NKAIN3: variants seen among roughly 807,000 people sequenced by gnomAD.
The protein encoded by NKAIN3 is sodium/potassium-transporting ATPase subunit beta-1-interacting protein 3.
A neutral mutation model predicts 30.2 loss-of-function variants in NKAIN3; 25 were observed. That is an observed-to-expected ratio of 0.83 (90% CI 0.60 to 1.16). The LOEUF (loss-of-function observed/expected upper bound fraction) is 1.16, where lower values mean the gene tolerates loss of function less well. NKAIN3 is among the 50% of genes most tolerant of loss of function. NKAIN3 has a pLI of 0.00. For missense variants in NKAIN3, 225 were observed against 254.1 expected (o/e 0.89, Z 0.78); for synonymous variants, 91 against 89.6 (o/e 1.02, Z -0.09).
At chr8:62,927,907 A>G (rs1034803119) in intron 5 of NKAIN3, among the ~76,000 whole-genome samples, 1 of 152,204 alleles carries the variant, frequency 6.6e-6, no homozygotes, top group African/African-American at 2.4e-5. Context: ...AATGGCATAT[A>G]ATATTTTTAA....
At chr8:62,917,543 A>G (rs1822145306) in intron 4 of NKAIN3, among the ~76,000 whole-genome samples, 1 of 152,192 alleles carries the variant, frequency 6.6e-6, no homozygotes, top group African/African-American at 2.4e-5. Flanking sequence ...AGCCCCAGAT[A>G]TCTTGTTCTC....
intron 3 of NKAIN3, among the ~76,000 whole-genome samples, chr8:62,699,136 C>A (rs895132976): frequency 3.3e-5 from 5 of 152,090 alleles, no homozygotes; most frequent in Non-Finnish European, 7.4e-5. Flanking sequence ...ATAATTTATT[C>A]TAAAATCTCT....
rs868074185 is a variant in NKAIN3 at position 62,977,291 on chromosome 8, C to T, written c.*11884C>T. On this transcript the variant is annotated 3_prime_UTR_variant, in exon 7 of 7. Transcript: ENST00000623646. ...TGGATTATATCCTAAATTGTGCTTT[C>T]CAACTTGATTCCATTCTCCCCATCA... 3.3e-5 allele frequency among the ~76,000 whole-genome samples: 5 copies of T among 152,168 alleles called. No individual in the cohort carries two copies. The highest frequency in any genetic ancestry group is 5.9e-5 in the Non-Finnish European group (4 of 68,042).
At chr8:62,543,778 C>T (rs1202029006) in intron 1 of NKAIN3, among the ~76,000 whole-genome samples, 2 of 152,106 alleles carry the variant, frequency 1.3e-5, no homozygotes, top group African/African-American at 4.8e-5. Flanking sequence ...AATTCTCTTC[C>T]ACTGTTGGCA....
chr8:62,468,078 C>G (rs902674875), intron 1 of NKAIN3, among the ~76,000 whole-genome samples: 3 of 151,942 alleles, frequency 2.0e-5, no homozygotes, highest in African/African-American at 4.8e-5. Context: ...TCATTTTTTT[C>G]TTACATAAGT....
intron 1 of NKAIN3, among the ~76,000 whole-genome samples, chr8:62,570,966 A>G (rs536820135): frequency 3.3e-5 from 5 of 152,232 alleles, no homozygotes; most frequent in African/African-American, 7.2e-5. Context: ...TATGACTGCT[A>G]CTCTCTTGTG....
Position 62,283,661 on chromosome 8 carries a change from T to A in NKAIN3, c.54+34534T>A, listed in dbSNP as rs1813275866. 2.0e-5 allele frequency among the ~76,000 whole-genome samples: 3 copies of A among 152,260 alleles called. No homozygotes were observed. In the South Asian group the frequency reaches 6.2e-4, roughly 32 times the overall value. On this transcript the variant is annotated intron_variant, in intron 1 of 6. Coordinates refer to ENST00000623646, the MANE Select transcript of NKAIN3 (RefSeq NM_001304533.3). ...TATTTCATCTTTGATTTAACAGTGT[T>A]TCAGGAGATTCCCTTAATTTAAAAA...
intron 1 of NKAIN3, among the ~76,000 whole-genome samples, chr8:62,440,102 C>T (rs1408480539): frequency 6.6e-6 from 1 of 152,046 alleles, no homozygotes; most frequent in Non-Finnish European, 1.5e-5. Context: ...CTCCTTTTTG[C>T]AATTCCAAGG....
chr8:62,674,354 G>A (rs115370506), intron 3 of NKAIN3, among the ~76,000 whole-genome samples: 2,999 of 152,294 alleles, frequency 0.02, 87 homozygotes, highest in African/African-American at 0.068. Flanking sequence ...AGAAGCAGAT[G>A]TAACTGTTAC....
At chr8:62,527,283 C>T (rs571821127) in intron 1 of NKAIN3, among the ~76,000 whole-genome samples, 4 of 152,242 alleles carry the variant, frequency 2.6e-5, no homozygotes, top group African/African-American at 7.2e-5. Flanking sequence ...ATCAGATTGA[C>T]CATTGCTGTG....
In NKAIN3 at chr8:62,562,668, T is replaced by C. The variant is rs534980770; in HGVS notation, c.55-16871T>C. 3.3e-5 allele frequency among the ~76,000 whole-genome samples: 5 copies of C among 152,274 alleles called. No individual in the cohort carries two copies. The South Asian group carries it at 1.0e-3, about 32-fold the overall frequency. On this transcript the variant is annotated intron_variant, in intron 1 of 6. Coordinates refer to ENST00000623646, the MANE Select transcript of NKAIN3 (RefSeq NM_001304533.3). The stretch of plus-strand genomic sequence containing the variant: ...TTTAACACCATCAACTGTGTGTTAC[T>C]TAAGCGTTTCTTGTACATGTTGATT...
chr8:62,253,201 G>T (rs529673760), intron 1 of NKAIN3, among the ~76,000 whole-genome samples: 2 of 152,266 alleles, frequency 1.3e-5, no homozygotes, highest in South Asian at 4.1e-4. Context: ...ACTCTCACCA[G>T]ACATATCTGT....
chr8:62,345,473 A>G lies in NKAIN3; in HGVS notation c.54+96346A>G, dbSNP rs1424554020. 6.2e-3 allele frequency among the ~76,000 whole-genome samples: 32 copies of G among 5,166 alleles called. 1 individual carries two copies. The highest frequency in any genetic ancestry group is 7.8e-3 in the African/African-American group (31 of 3,954). 3.4% of individuals were successfully genotyped at this position (5,166 alleles called of 152,430 possible). ...CACATATGTATATATACACATATAT[A>G]CACATATATGTATATATACACACAT... On this transcript the variant is annotated intron_variant, in intron 1 of 6. Transcript: ENST00000623646.
At chr8:62,818,644 G>T (rs983235512) in intron 4 of NKAIN3, among the ~76,000 whole-genome samples, 1 of 152,032 alleles carries the variant, frequency 6.6e-6, no homozygotes, top group East Asian at 1.9e-4. Context: ...AGATTAATAA[G>T]ATAGAATTTC....
At chr8:62,341,577 CT>C (rs916001243) in intron 1 of NKAIN3, among the ~76,000 whole-genome samples, 1 of 151,986 alleles carries the variant, frequency 6.6e-6, no homozygotes, top group Non-Finnish European at 1.5e-5. Flanking sequence ...AAGAAATTAC[CT>C]TTGTTCAAAT....
chr8:62,576,743 C>G (rs1025931506), intron 1 of NKAIN3, among the ~76,000 whole-genome samples: 1 of 152,104 alleles, frequency 6.6e-6, no homozygotes, highest in African/African-American at 2.4e-5. Flanking sequence ...AGGGATGCCT[C>G]CTGCCCCCTC....
intron 4 of NKAIN3, among the ~76,000 whole-genome samples, chr8:62,794,520 G>C (rs770429791): frequency 6.6e-5 from 10 of 152,186 alleles, no homozygotes; most frequent in African/African-American, 1.4e-4. Context: ...ATAAAATACT[G>C]TTCTTACATA....
chr8:62,822,188 T>A (rs1818867920), intron 4 of NKAIN3, among the ~76,000 whole-genome samples: 1 of 152,202 alleles, frequency 6.6e-6, no homozygotes, highest in South Asian at 2.1e-4. Flanking sequence ...TAGTGATTGT[T>A]CTATTGCTGA....
chr8:62,259,273 A>T (rs1812355501), intron 1 of NKAIN3, among the ~76,000 whole-genome samples: 1 of 152,186 alleles, frequency 6.6e-6, no homozygotes, highest in Non-Finnish European at 1.5e-5. Flanking sequence ...AATACTTTCT[A>T]TGTTGCACTT....
Sources: allele counts gnomAD v4.1 joint callset (sites outside exome capture counted in the v4.1 genomes callset), GRCh38; gene constraint gnomAD v4.1.1; transcripts MANE v1.5; gene names NCBI Gene and HGNC (gene_info 2026-07-23, HGNC 2026-07-21).